Variants in HS3ST4 observed in about 807,000 individuals in gnomAD.
The protein encoded by HS3ST4 is heparan sulfate-glucosamine 3-sulfotransferase 4.
A neutral mutation model predicts 29.2 loss-of-function variants in HS3ST4; 17 were observed. That is an observed-to-expected ratio of 0.58 (90% CI 0.40 to 0.87). The LOEUF (loss-of-function observed/expected upper bound fraction) is 0.87, where lower values mean the gene tolerates loss of function less well. Ranked by LOEUF, HS3ST4 falls within the 40% of genes least tolerant of loss-of-function variation. HS3ST4 has a pLI of 0.00. For synonymous variants in HS3ST4, 314 were observed against 285.7 expected (o/e 1.10, Z -1.00); for missense variants, 627 against 634.5 (o/e 0.99, Z 0.13).
chr16:25,692,530 T>G lies in HS3ST4; in HGVS notation c.113T>G (p.Met38Arg). ...KGPPARKLLFMCTLSLSVTYL... is the reference protein window; with the variant it reads ...KGPPARKLLFRCTLSLSVTYL... ...CCGCCGGCGCGCAAGCTGCTTTTTA[T>G]GTGCACCTTGTCCCTGTCTGTCACC... Residue 38 changes from methionine to arginine, a missense_variant, in exon 1 of 2, where the codon ATG becomes AGG. Around this residue, in one of 2 missense-constraint regions of HS3ST4, gnomAD observed 402 missense variants for 340.8 expected, o/e 1.18. Coordinates refer to ENST00000331351, the MANE Select transcript of HS3ST4 (RefSeq NM_006040.3). 1.4e-6 allele frequency: 2 copies of G among 1,434,234 alleles called. No homozygotes were observed. The highest frequency in any genetic ancestry group is 1.8e-6 in the Non-Finnish European group (2 of 1,081,850). 88.8% of individuals were successfully genotyped at this position (1,434,234 alleles called of 1,614,324 possible).
chr16:26,048,206 T>C (rs1898292671), intron 1 of HS3ST4, among the ~76,000 whole-genome samples: 1 of 152,216 alleles, frequency 6.6e-6, no homozygotes, highest in Non-Finnish European at 1.5e-5. Flanking sequence ...CATTTGAACT[T>C]AATTACCACT....
chr16:26,049,651 G>A (rs899033088), intron 1 of HS3ST4, among the ~76,000 whole-genome samples: 5 of 152,032 alleles, frequency 3.3e-5, no homozygotes, highest in African/African-American at 7.3e-5. Flanking sequence ...CCAACTGCAC[G>A]ACCACCAATT....
At chr16:26,044,186 A>T (rs1898237557) in intron 1 of HS3ST4, among the ~76,000 whole-genome samples, 1 of 151,856 alleles carries the variant, frequency 6.6e-6, no homozygotes, top group African/African-American at 2.4e-5. Flanking sequence ...TTTAAGCCTC[A>T]TGTTTGTACT....
chr16:26,016,100 A>G (rs1969359841), intron 1 of HS3ST4, among the ~76,000 whole-genome samples: 1 of 152,224 alleles, frequency 6.6e-6, no homozygotes, highest in Non-Finnish European at 1.5e-5. Context: ...GAGTAAATCC[A>G]GAAATCAGCA....
intron 1 of HS3ST4, among the ~76,000 whole-genome samples, chr16:25,941,892 A>G (rs1417703821): frequency 6.6e-6 from 1 of 152,096 alleles, no homozygotes; most frequent in Admixed American, 6.6e-5. Flanking sequence ...TTTATTTTCT[A>G]TCTCCCAGAA....
chr16:26,024,901 A>G (rs1425955295), intron 1 of HS3ST4, among the ~76,000 whole-genome samples: 3 of 152,234 alleles, frequency 2.0e-5, no homozygotes, highest in Non-Finnish European at 4.4e-5. Flanking sequence ...AAGCTGGATT[A>G]TCTAAGTGAC....
At chr16:25,824,084 G>T (rs1363566435) in intron 1 of HS3ST4, among the ~76,000 whole-genome samples, 1 of 152,140 alleles carries the variant, frequency 6.6e-6, no homozygotes, top group Non-Finnish European at 1.5e-5. Context: ...GAGAAACAGG[G>T]CTAAGTGTGG....
At chr16:25,727,162 A>G (rs1261893383) in intron 1 of HS3ST4, among the ~76,000 whole-genome samples, 7 of 152,142 alleles carry the variant, frequency 4.6e-5, no homozygotes, top group Admixed American at 3.3e-4. Context: ...CAAAATCTCA[A>G]TTGTCTAGCA....
chr16:26,011,360 G>C (rs1411366913), intron 1 of HS3ST4, among the ~76,000 whole-genome samples: 1 of 152,100 alleles, frequency 6.6e-6, no homozygotes, highest in Non-Finnish European at 1.5e-5. Context: ...AGGCGTTTGA[G>C]ACCAGCCTGA....
chr16:26,013,192 A>C (rs1969327289), intron 1 of HS3ST4, among the ~76,000 whole-genome samples: 1 of 152,024 alleles, frequency 6.6e-6, no homozygotes, highest in African/African-American at 2.4e-5. Context: ...TAAAATAAAA[A>C]CAAAAAAAAC....
chr16:25,759,704 C>T (rs567909522), intron 1 of HS3ST4, among the ~76,000 whole-genome samples: 3 of 152,160 alleles, frequency 2.0e-5, no homozygotes, highest in African/African-American at 2.4e-5. Flanking sequence ...TGGGGAGGAT[C>T]GCTTGAGGCC....
chr16:25,849,375 G>A (rs886217055), intron 1 of HS3ST4, among the ~76,000 whole-genome samples: 2 of 152,064 alleles, frequency 1.3e-5, no homozygotes, highest in African/African-American at 4.8e-5. Flanking sequence ...CTTTTGATTG[G>A]TGAATCTCTG....
At chr16:26,069,762 T>A (rs1410885793) in intron 1 of HS3ST4, among the ~76,000 whole-genome samples, 2 of 136,702 alleles carry the variant, frequency 1.5e-5, no homozygotes, top group East Asian at 4.5e-4. Context: ...TGTGTCCAAG[T>A]GTTCTCATTA....
At chr16:25,843,092 A>G (rs1404275491) in intron 1 of HS3ST4, among the ~76,000 whole-genome samples, 1 of 152,224 alleles carries the variant, frequency 6.6e-6, no homozygotes, top group Admixed American at 6.5e-5. Flanking sequence ...CTGATTATCT[A>G]TTGCTGCATA....
intron 1 of HS3ST4, among the ~76,000 whole-genome samples, chr16:25,783,985 G>A (rs565529051): frequency 1.3e-5 from 2 of 152,112 alleles, no homozygotes; most frequent in Admixed American, 6.5e-5. Context: ...TTTTTCAACA[G>A]TGTGTGCTCA....
intron 1 of HS3ST4, among the ~76,000 whole-genome samples, chr16:26,057,747 G>C (rs909485683): frequency 6.6e-6 from 1 of 150,994 alleles, no homozygotes; most frequent in Admixed American, 6.6e-5. Context: ...TGTCTCTAAA[G>C]ATAAAGAAAG....
chr16:25,971,321 A>G (rs535163717), intron 1 of HS3ST4, among the ~76,000 whole-genome samples: 11 of 152,328 alleles, frequency 7.2e-5, no homozygotes, highest in Middle Eastern at 3.4e-3. Flanking sequence ...GCCTGCTTCA[A>G]CCTTGCAGCT....
intron 1 of HS3ST4, among the ~76,000 whole-genome samples, chr16:26,010,814 A>G (rs1459005043): frequency 6.6e-6 from 1 of 152,200 alleles, no homozygotes; most frequent in African/African-American, 2.4e-5. Context: ...TATTGCGATA[A>G]CTTATTAGAA....
intron 1 of HS3ST4, among the ~76,000 whole-genome samples, chr16:26,128,541 G>C (rs1000041707): frequency 1.3e-5 from 2 of 152,164 alleles, no homozygotes; most frequent in Admixed American, 6.5e-5. Flanking sequence ...TACAGATCCT[G>C]TTCTTGGGTT....
Sources: gnomAD v4.1 joint callset for allele counts (sites outside exome capture counted in the v4.1 genomes callset) on GRCh38, gnomAD v4.1.1 for gene constraint, gnomAD v4.1.1 regional missense constraint, MANE v1.5 for transcripts, NCBI Gene and HGNC (gene_info 2026-07-23, HGNC 2026-07-21) for gene names.